Variants in SCN10A observed in about 807,000 individuals in gnomAD.
SCN10A encodes the protein sodium voltage-gated channel alpha subunit 10, also known as sodium channel protein type 10 subunit alpha.
A neutral mutation model predicts 170.7 loss-of-function variants in SCN10A; 162 were observed. That is an observed-to-expected ratio of 0.95 (90% CI 0.84 to 1.08). The LOEUF (loss-of-function observed/expected upper bound fraction) is 1.08, where lower values mean the gene tolerates loss of function less well. SCN10A is among the 50% of genes least tolerant of loss of function. The probability of loss-of-function intolerance (pLI) is 0.00; values close to 1 mark genes in which losing one functional copy is unlikely to be tolerated. For synonymous variants in SCN10A, 985 were observed against 904.6 expected, an observed-to-expected ratio of 1.09 and a Z score of -1.59; for missense variants, 2,527 against 2,436.9, an observed-to-expected ratio of 1.04 and a Z score of -0.78.
rs781058660 is a variant in SCN10A, at chr3:38,725,163, G to C, written c.3228+11C>G. 6.3e-7 allele frequency: 1 copy of C among 1,576,748 alleles called. No homozygotes were observed. The highest frequency in any genetic ancestry group is 1.1e-5 in the South Asian group (1 of 87,194). The stretch of plus-strand genomic sequence containing the variant: ...GGCTGTCCAACCTCTCCAGGAAGCT[G>C]ACATACCTACCTCAGCAGGGACCTG... On this transcript the variant is annotated intron_variant, in intron 18 of 27. Coordinates refer to ENST00000449082, the MANE Select transcript of SCN10A (RefSeq NM_006514.4).
intron 16 of SCN10A, among the ~76,000 whole-genome samples, chr3:38,728,301 G>A (rs921754929): frequency 6.6e-6 from 1 of 151,450 alleles, no homozygotes; most frequent in Non-Finnish European, 1.5e-5. Context: ...GTAAATGGTG[G>A]AGCAGAGATT....
At chr3:38,744,708 A>T (rs1428441342) in intron 13 of SCN10A, among the ~76,000 whole-genome samples, 2 of 152,000 alleles carry the variant, frequency 1.3e-5, no homozygotes, top group African/African-American at 4.8e-5. Flanking sequence ...AAAGAGTAAG[A>T]TATTGATGTG....
At chr3:38,747,262 A>T (rs1247237175) in intron 13 of SCN10A, among the ~76,000 whole-genome samples, 1 of 152,072 alleles carries the variant, frequency 6.6e-6, no homozygotes, top group Non-Finnish European at 1.5e-5. Context: ...CTTCCTTTTT[A>T]TCAGTTCACA....
intron 18 of SCN10A, among the ~76,000 whole-genome samples, chr3:38,724,461 G>A (rs1184298577): frequency 6.6e-6 from 1 of 152,212 alleles, no homozygotes. Flanking sequence ...TTCAAGATTT[G>A]TAAGTGAAAC....
chr3:38,794,968 T>C (rs9827941), intron 1 of SCN10A, among the ~76,000 whole-genome samples: 1 of 152,062 alleles, frequency 6.6e-6, no homozygotes, highest in Admixed American at 6.5e-5. Flanking sequence ...GAGAGGTATC[T>C]TCCTACATTC....
At chr3:38,763,132 T>A (rs758162211) in intron 6 of SCN10A, among the ~76,000 whole-genome samples, 10 of 152,198 alleles carry the variant, frequency 6.6e-5, no homozygotes, top group Non-Finnish European at 1.5e-4. Flanking sequence ...GCTTTCTCCC[T>A]TCCTCCCCAT....
At chr3:38,788,830 T>C (rs924127829) in intron 4 of SCN10A, 126 bp downstream of exon 4, 4 of 658,814 alleles carry the variant, frequency 6.1e-6, no homozygotes, top group South Asian at 1.8e-5. Flanking sequence ...CAAAGACATA[T>C]AGACAATGAG....
chr3:38,771,490 C>A (rs1210636537), intron 4 of SCN10A, 83 bp from the exon 5 acceptor site: 5 of 1,405,114 alleles, frequency 3.6e-6, no homozygotes, highest in South Asian at 1.2e-5. Flanking sequence ...GGAGGGATGA[C>A]CTGCTCTGAC....
chr3:38,764,907 G>A (rs1013752167), intron 5 of SCN10A, among the ~76,000 whole-genome samples: 1 of 152,132 alleles, frequency 6.6e-6, no homozygotes, highest in Non-Finnish European at 1.5e-5. Context: ...ATTCTTGCAG[G>A]AGTAAGGTGG....
At chr3:38,702,620 C>T (rs1344545226) in intron 26 of SCN10A, among the ~76,000 whole-genome samples, 1 of 152,226 alleles carries the variant, frequency 6.6e-6, no homozygotes, top group African/African-American at 2.4e-5. Context: ...CAGTGCCCTG[C>T]ACATTGCAAG....
intron 20 of SCN10A, among the ~76,000 whole-genome samples, 167 bp from the exon 21 acceptor site, chr3:38,718,993 A>T (rs1029576447): frequency 6.6e-6 from 1 of 152,230 alleles, no homozygotes; most frequent in African/African-American, 2.4e-5. Context: ...AAAGTGGGAT[A>T]GTGGAGGAGG....
chr3:38,761,581 T>C (rs2063872845), intron 6 of SCN10A, among the ~76,000 whole-genome samples, 198 bp from the exon 7 acceptor site: 1 of 152,174 alleles, frequency 6.6e-6, no homozygotes, highest in Non-Finnish European at 1.5e-5. Flanking sequence ...GCTATTCTCA[T>C]TATAAAGACG....
At chr3:38,723,161 G>T (rs556435037) in intron 19 of SCN10A, among the ~76,000 whole-genome samples, 1 of 152,260 alleles carries the variant, frequency 6.6e-6, no homozygotes, top group Admixed American at 6.5e-5. Context: ...CAAGAGGGCT[G>T]GTTTAGAACT....
chr3:38,802,723 T>C (rs1039553658), intron 1 of SCN10A, among the ~76,000 whole-genome samples: 3 of 151,582 alleles, frequency 2.0e-5, no homozygotes, highest in African/African-American at 4.8e-5. Flanking sequence ...CAATACCATT[T>C]AGGACATAGG....
chr3:38,705,503 G>A (rs537718192), intron 26 of SCN10A, among the ~76,000 whole-genome samples: 7 of 152,294 alleles, frequency 4.6e-5, no homozygotes, highest in African/African-American at 1.4e-4. Flanking sequence ...CATCAACTCC[G>A]TCTCCCACTC....
At position 38,709,542 on chromosome 3, in the gene SCN10A, C is replaced by G. The variant is rs201280426; in HGVS notation, c.4217G>C (p.Gly1406Ala). 8.7e-6 allele frequency: 14 copies of G among 1,612,912 alleles called. No individual in the cohort carries two copies. The highest frequency in any genetic ancestry group is 1.7e-4 in the Middle Eastern group (1 of 6,056). The change falls in exon 25 of 28, where the codon GGC becomes GCC. Residue 1406 changes from glycine to alanine, a missense_variant. Gly to Ala is a moderately conservative substitution (Grantham distance 60). Coordinates refer to ENST00000449082, the MANE Select transcript of SCN10A (RefSeq NM_006514.4). ...LYFVIFIIFG[G>A]FFTLNLFVGV... ...AACAAAGAGATTCAGTGTGAAGAAG[C>G]CTCCAAAAATGATGAAGATGACAAA...
intron 26 of SCN10A, among the ~76,000 whole-genome samples, chr3:38,704,833 C>T (rs977311358): frequency 2.6e-5 from 4 of 152,210 alleles, no homozygotes; most frequent in African/African-American, 4.8e-5. Flanking sequence ...CAGTGCTTTG[C>T]TGGTATGACC....
chr3:38,708,756 G>A (rs549496498), intron 25 of SCN10A, among the ~76,000 whole-genome samples: 20 of 152,126 alleles, frequency 1.3e-4, no homozygotes, highest in Non-Finnish European at 2.5e-4. Context: ...GACTCAGAGG[G>A]GTTTAAAATA....
intron 1 of SCN10A, among the ~76,000 whole-genome samples, chr3:38,813,343 C>T (rs537199554): frequency 3.3e-5 from 5 of 152,218 alleles, no homozygotes; most frequent in African/African-American, 1.2e-4. Flanking sequence ...GCTTCCTGTT[C>T]CTTGTGCCAG....
Sources: allele counts gnomAD v4.1 joint callset (sites outside exome capture counted in the v4.1 genomes callset), GRCh38; gene constraint gnomAD v4.1.1; transcripts MANE v1.5; gene names NCBI Gene and HGNC (gene_info 2026-07-23, HGNC 2026-07-21).